The following ECT2 variants were observed in gnomAD, a reference collection of about 807,000 sequenced individuals.
The protein encoded by ECT2 is protein ECT2.
Under a neutral mutation model 116.9 loss-of-function variants are expected in ECT2, and 61 were observed. That is an observed-to-expected ratio of 0.52 (90% CI 0.42 to 0.65). The LOEUF (loss-of-function observed/expected upper bound fraction) is 0.65, where lower values mean the gene tolerates loss of function less well. ECT2 is among the 30% of genes least tolerant of loss of function. The pLI is 0.00. For missense variants in ECT2, 937 were observed against 1,078.7 expected (o/e 0.87, Z 1.84); for synonymous variants, 358 against 346.4 (o/e 1.03, Z -0.37).
intron 22 of ECT2, among the ~76,000 whole-genome samples, chr3:172,814,457 A>G (rs1285132211): frequency 6.6e-6 from 1 of 152,126 alleles, no homozygotes; most frequent in Middle Eastern, 3.2e-3. Context: ...TAGTGCCAGC[A>G]TAACAAGGCA....
intron 1 of ECT2, chr3:172,752,419 C>T (rs539610228): frequency 2.2e-4 from 33 of 152,194 alleles, no homozygotes; most frequent in African/African-American, 7.9e-4. Context: ...TGAGCCACCG[C>T]GTCCGGCCTT....
intron 13 of ECT2, among the ~76,000 whole-genome samples, chr3:172,772,060 A>T (rs1484286887): frequency 6.6e-6 from 1 of 150,642 alleles, no homozygotes; most frequent in East Asian, 2.0e-4. Context: ...CAGTGGTGCA[A>T]TCTTGATTTG....
chr3:172,828,871 C>G, the ECT2 span: 2 of 1,225,752 alleles, frequency 1.6e-6, no homozygotes, highest in African/African-American at 3.0e-5. Flanking sequence ...GCCTGAGAGA[C>G]GGGTTCCTGG....
intron 1 of ECT2, chr3:172,752,435 T>G (rs1239469750): frequency 6.6e-6 from 1 of 152,184 alleles, no homozygotes; most frequent in East Asian, 1.9e-4. Flanking sequence ...GCCTTTCAAA[T>G]GGTATTTTTG....
chr3:172,805,162 C>T (rs1038250803), intron 20 of ECT2, among the ~76,000 whole-genome samples: 19 of 151,954 alleles, frequency 1.3e-4, no homozygotes, highest in Non-Finnish European at 2.4e-4. Context: ...TAGAAACATT[C>T]AAAATGGGTA....
intron 24 of ECT2, chr3:172,818,454 T>A: frequency 1.5e-6 from 1 of 663,120 alleles, no homozygotes; most frequent in Non-Finnish European, 1.9e-6. Context: ...TTTATGGTTA[T>A]GTCACTTTTA....
At position 172,762,559 on chromosome 3, in the gene ECT2, A is replaced by G. The variant is rs1474729054; in HGVS notation, c.889+13A>G. 2.5e-5 allele frequency: 40 copies of G among 1,588,072 alleles called. No homozygotes were observed. Among genetic ancestry groups the G allele is most frequent in the Admixed American group, 6.0e-5 (3 of 50,222 alleles). On this transcript the variant is annotated intron_variant, in intron 9 of 24. Transcript: ENST00000392692. ...ACTGAAATGCAAGGTAAAATTTAGC[A>G]TAATGTAAAAGTTATATCTATTTTA...
intron 1 of ECT2, 109 bp downstream of exon 1, chr3:172,750,966 G>T (rs1181575569): frequency 3.9e-5 from 6 of 152,352 alleles, no homozygotes; most frequent in Non-Finnish European, 7.3e-5. Flanking sequence ...GCGAATTCCG[G>T]AGCGCCCCAG....
rs543357415 is a variant in ECT2 at position 172,812,065 on chromosome 3, A to G, written c.2401-3539A>G. On this transcript the variant is annotated intron_variant, in intron 22 of 24. Coordinates refer to ENST00000392692, the MANE Select transcript of ECT2 (RefSeq NM_001258315.2). ...AGTGGCACAATCTTGGCTCACTACAACCTCTACCTCTGGGTTCAAGTGATT... is the reference window on the plus strand; with the variant it reads ...AGTGGCACAATCTTGGCTCACTACAGCCTCTACCTCTGGGTTCAAGTGATT... Among the ~76,000 whole-genome samples the G allele has an allele frequency of 1.5e-4, 22 of 151,660 alleles. No homozygotes were observed. In the East Asian group the frequency reaches 3.9e-3, roughly 27 times the overall value.
chr3:172,802,794 A>G, intron 19 of ECT2, 67 bp from the exon 20 acceptor site: 1 of 1,548,134 alleles, frequency 6.5e-7, no homozygotes, highest in Non-Finnish European at 8.7e-7. Context: ...CTTTCTTTTA[A>G]ATTACAACTT....
At chr3:172,796,496 A>G (rs1313027837) in intron 18 of ECT2, 1 of 152,072 alleles carries the variant, frequency 6.6e-6, no homozygotes, top group Non-Finnish European at 1.5e-5. Context: ...TTTCTTTTTC[A>G]ATTAGCAGTA....
At chr3:172,827,851 A>C in the ECT2 span, among the ~76,000 whole-genome samples, 1 of 152,226 alleles carries the variant, frequency 6.6e-6, no homozygotes, top group South Asian at 2.1e-4. Context: ...AGGCCTAGAC[A>C]TCAATCAAAG....
intron 2 of ECT2, among the ~76,000 whole-genome samples, chr3:172,754,922 A>G (rs1266650207): frequency 6.6e-6 from 1 of 152,088 alleles, no homozygotes; most frequent in Non-Finnish European, 1.5e-5. Context: ...TAGCTACAGC[A>G]TTATTAGCTA....
chr3:172,772,766 A>G (rs772023260), intron 13 of ECT2, among the ~76,000 whole-genome samples: 2 of 151,860 alleles, frequency 1.3e-5, no homozygotes, highest in Non-Finnish European at 2.9e-5. Flanking sequence ...TATGTCCGTG[A>G]CCCATTTTGA....
chr3:172,784,785 G>T lies in ECT2; in HGVS notation c.1807G>T (p.Val603Phe). The change falls in exon 17 of 25, where the codon GTT becomes TTT. Residue 603 changes from valine (V) to phenylalanine (F), a missense_variant. Coordinates refer to ENST00000392692, the MANE Select transcript of ECT2 (RefSeq NM_001258315.2). Reference sequence around the variant, plus strand: ...CCGACCAGTACAGAGGTTACCCAGTGTTGCATTACTTTTAAATGGTACTTG... The same window carrying T: ...CCGACCAGTACAGAGGTTACCCAGTTTTGCATTACTTTTAAATGGTACTTG... Reference protein sequence around the residue: ...LIRPVQRLPSVALLLNDLKKH... With the variant: ...LIRPVQRLPSFALLLNDLKKH... 1 of 1,604,218 alleles carries T rather than the reference G, an allele frequency of 6.2e-7. No homozygotes were observed. The highest frequency in any genetic ancestry group is 2.2e-5 in the East Asian group (1 of 44,798).
At chr3:172,825,773 A>G (rs1286454206), downstream of ECT2, among the ~76,000 whole-genome samples, 1 of 152,232 alleles carries the variant, frequency 6.6e-6, no homozygotes, top group Non-Finnish European at 1.5e-5. Flanking sequence ...AAATGCTGAT[A>G]GGGAAGCTGC....
chr3:172,825,419 GAGAT>G (rs1365967565), downstream of ECT2, among the ~76,000 whole-genome samples: 1 of 152,138 alleles, frequency 6.6e-6, no homozygotes, highest in African/African-American at 2.4e-5. Context: ...GTTGAAAACA[GAGAT>G]AGACTGAAAG....
At chr3:172,828,648 A>G in the ECT2 span, 4 of 225,948 alleles carry the variant, frequency 1.8e-5, no homozygotes, top group Non-Finnish European at 2.6e-5. Context: ...CGTTGTGTTT[A>G]ATGGTAAAGC....
Position 172,797,018 on chromosome 3 carries a change from C to CTGTGTGTGTGTGTGTGTGTG in ECT2, c.1908-5582_1908-5563dup, listed in dbSNP as rs57188529. On this transcript the variant is annotated intron_variant, in intron 18 of 24. Transcript: ENST00000392692. ...TCTCAGATTCATATATCAGGTTCAA[C>CTGTGTGTGTGTGTGTGTGTG]TGTGTGTGTGTGTGTGTGTGTGTGT... 1.2e-3 allele frequency among the ~76,000 whole-genome samples: 169 copies of CTGTGTGTGTGTGTGTGTGTG among 139,116 alleles called. 1 individual carries two copies. The highest frequency in any genetic ancestry group is 3.2e-3 in the South Asian group (13 of 4,066). 91.3% of individuals were successfully genotyped at this position (139,116 alleles called of 152,430 possible).
Sources: allele counts gnomAD v4.1 joint callset (sites outside exome capture counted in the v4.1 genomes callset), GRCh38; gene constraint gnomAD v4.1.1; transcripts MANE v1.5; gene names NCBI Gene and HGNC (gene_info 2026-07-23, HGNC 2026-07-21).